Variants in TF observed in about 807,000 individuals in gnomAD.
TF encodes serotransferrin.
Under a neutral mutation model 82.4 loss-of-function variants are expected in TF, and 55 were observed. The observed-to-expected ratio is 0.67, with a 90% CI of 0.54 to 0.84. The LOEUF is 0.84. TF is among the 40% of genes least tolerant of loss of function. The pLI is 0.00. For missense variants in TF, 737 were observed against 868.4 expected (o/e 0.85, Z 1.90); for synonymous variants, 332 against 332.6 (o/e 1.00, Z 0.02).
chr3:133,763,885 G>A (rs1318612245), intron 9 of TF, among the ~76,000 whole-genome samples: 1 of 152,226 alleles, frequency 6.6e-6, no homozygotes, highest in Non-Finnish European at 1.5e-5. Context: ...TGTGTCGTAG[G>A]AGTGTCTCTG....
At chr3:133,740,914 T>G in the TF span, among the ~76,000 whole-genome samples, 11 of 149,698 alleles carry the variant, frequency 7.3e-5, no homozygotes, top group East Asian at 2.0e-4. Context: ...TTTCATGTTT[T>G]TTTTTTTTTT....
At chr3:133,671,657 C>G in the TF span, among the ~76,000 whole-genome samples, 9 of 151,624 alleles carry the variant, frequency 5.9e-5, no homozygotes, top group Non-Finnish European at 1.3e-4. Context: ...CCCGGGTGCT[C>G]TGTCTAATGC....
chr3:133,681,557 C>T, the TF span, among the ~76,000 whole-genome samples: 1 of 152,218 alleles, frequency 6.6e-6, no homozygotes, highest in African/African-American at 2.4e-5. Flanking sequence ...GATTATATCC[C>T]ACACATGGCT....
the TF span, among the ~76,000 whole-genome samples, chr3:133,692,528 C>G: frequency 6.6e-6 from 1 of 152,132 alleles, no homozygotes; most frequent in African/African-American, 2.4e-5. Context: ...ATAGCTGGTG[C>G]CCTTGAGGAT....
In TF at chr3:133,794,675, T is replaced by C. The variant is rs1194563466; in HGVS notation, c.*16055T>C. The C allele has an allele frequency of 6.6e-6, 1 of 151,886 alleles. No homozygotes were observed. Among genetic ancestry groups the C allele is most frequent in the Non-Finnish European group, 1.5e-5 (1 of 67,984 alleles). The allele number at this position is 151,886 out of a possible 1,614,324, so 9.4% of individuals were successfully genotyped here. On this transcript the variant is annotated 3_prime_UTR_variant, in exon 17 of 17. Coordinates refer to ENST00000402696, the MANE Select transcript of TF (RefSeq NM_001063.4). ...TTCATGATCTCACAACTGAGAAGAG[T>C]CCCTCCACACTCTTGGAACTGTACA...
At position 133,775,311 on chromosome 3, in the gene TF, G is replaced by C. The variant is rs895341232; in HGVS notation, c.1688-122G>C. 7.3e-6 allele frequency: 7 copies of C among 958,108 alleles called. No individual in the cohort carries two copies. In the African/African-American group the frequency reaches 9.6e-5, roughly 13 times the overall value. 59.4% of individuals were successfully genotyped at this position (958,108 alleles called of 1,614,324 possible). On this transcript the variant is annotated intron_variant, in intron 14 of 16. Coordinates refer to ENST00000402696, the MANE Select transcript of TF (RefSeq NM_001063.4). ...TCCTGTCCACATCACTGTAACCCCAGTGTGGGCACTTCTGCTGGCGAGAAG... is the reference window on the plus strand; with the variant it reads ...TCCTGTCCACATCACTGTAACCCCACTGTGGGCACTTCTGCTGGCGAGAAG...
the TF span, among the ~76,000 whole-genome samples, chr3:133,713,463 T>G: frequency 5.9e-5 from 9 of 152,268 alleles, 1 homozygote; most frequent in East Asian, 1.9e-4. Flanking sequence ...AAGGAAGTTG[T>G]AAAGGGGCCG....
At chr3:133,758,068 G>A in intron 8 of TF, 122 bp downstream of exon 8, 1 of 902,992 alleles carries the variant, frequency 1.1e-6, no homozygotes, top group South Asian at 1.6e-5. Flanking sequence ...TTTCTGACCT[G>A]TCTGTGAGCC....
the TF span, chr3:133,702,204 T>C: frequency 6.6e-6 from 1 of 152,434 alleles, no homozygotes; most frequent in Non-Finnish European, 1.5e-5. Context: ...AGGACACCTG[T>C]TGTGTGCTGC....
the TF span, among the ~76,000 whole-genome samples, chr3:133,730,168 C>A: frequency 6.6e-6 from 1 of 152,282 alleles, no homozygotes; most frequent in East Asian, 1.9e-4. Flanking sequence ...AAGAACCCAG[C>A]AGAAGGCAGA....
chr3:133,740,986 ATT>A, the TF span, among the ~76,000 whole-genome samples: 787 of 47,460 alleles, frequency 0.017, 5 homozygotes, highest in African/African-American at 0.068. Context: ...ATCCAGCTCT[ATT>A]TTTTTTTTTT....
upstream of TF, among the ~76,000 whole-genome samples, chr3:133,741,935 G>A (rs963402223): frequency 6.6e-6 from 1 of 152,110 alleles, no homozygotes; most frequent in African/African-American, 2.4e-5. Context: ...CAAAACATTA[G>A]TTAAGGAGTG....
In TF at chr3:133,795,616, C is replaced by T. The variant is rs1227800498; in HGVS notation, c.*16996C>T. The T allele has an allele frequency of 1.4e-5, 2 of 140,954 alleles. No individual in the cohort carries two copies. The highest frequency in any genetic ancestry group is 2.6e-5 in the African/African-American group (1 of 38,384). 8.7% of individuals were successfully genotyped at this position (140,954 alleles called of 1,614,324 possible). A position where few individuals can be genotyped will look rare whatever the true frequency, so the allele number is the denominator to read the frequency against. ...TTTGAGATGGAGTCTCACTCTGTCA[C>T]CCGGGCTGGAGTGCAGTGGCACGAT... On this transcript the variant is annotated 3_prime_UTR_variant, in exon 17 of 17. Coordinates refer to ENST00000402696, the MANE Select transcript of TF (RefSeq NM_001063.4).
At chr3:133,709,831 C>A in the TF span, among the ~76,000 whole-genome samples, 1 of 152,166 alleles carries the variant, frequency 6.6e-6, no homozygotes, top group Non-Finnish European at 1.5e-5. Flanking sequence ...TTGAGCAGGT[C>A]CTCCTCCTTC....
chr3:133,754,383 C>A (rs2107913700), intron 3 of TF, 112 bp from the exon 4 acceptor site: 1 of 1,095,820 alleles, frequency 9.1e-7, no homozygotes, highest in Non-Finnish European at 1.4e-6. Flanking sequence ...ATCGCCCAGT[C>A]CAGTAAAAGC....
At chr3:133,716,846 C>T in the TF span, among the ~76,000 whole-genome samples, 2 of 152,302 alleles carry the variant, frequency 1.3e-5, no homozygotes, top group East Asian at 3.9e-4. Context: ...ACTCTCTGCT[C>T]CAGTCAGCTT....
Position 133,786,961 on chromosome 3 carries a change from G to A in TF, c.*8341G>A, listed in dbSNP as rs1934703329. ...TGGGAAGTACTGTCTTTTGGAAGTG[G>A]AATTGTGAAGCCACCTCTGTAAGCA... On this transcript the variant is annotated 3_prime_UTR_variant, in exon 17 of 17. Transcript: ENST00000402696. 6.6e-6 allele frequency: 1 copy of A among 152,204 alleles called. No individual in the cohort carries two copies. The highest frequency in any genetic ancestry group is 6.5e-5 in the Admixed American group (1 of 15,288). The allele number at this position is 152,204 out of a possible 1,614,324, so 9.4% of individuals were successfully genotyped here.
upstream of TF, chr3:133,746,256 A>G: frequency 3.0e-6 from 2 of 675,510 alleles, no homozygotes; most frequent in South Asian, 1.7e-5. Flanking sequence ...TGAGGTGATC[A>G]GTGGGACGAG....
the TF span, among the ~76,000 whole-genome samples, chr3:133,674,481 G>T: frequency 6.6e-6 from 1 of 152,244 alleles, no homozygotes; most frequent in African/African-American, 2.4e-5. Flanking sequence ...GGAGTGCGAG[G>T]AGTGGCGAGG....
Sources: gnomAD v4.1 joint callset for allele counts (sites outside exome capture counted in the v4.1 genomes callset) on GRCh38, gnomAD v4.1.1 for gene constraint, MANE v1.5 for transcripts, NCBI Gene and HGNC (gene_info 2026-07-23, HGNC 2026-07-21) for gene names.